Variants in CNTNAP2 observed in about 807,000 individuals in gnomAD.
CNTNAP2 encodes contactin-associated protein-like 2.
In CNTNAP2, 98 loss-of-function variants were observed where a neutral mutation model predicts 155.2. The ratio of observed to expected loss-of-function variants is 0.63; its 90% CI spans 0.54 to 0.75. The LOEUF (loss-of-function observed/expected upper bound fraction) is 0.75, where lower values mean the gene tolerates loss of function less well. Ranked by LOEUF, CNTNAP2 falls within the 30% of genes least tolerant of loss-of-function variation. The pLI, the probability that CNTNAP2 is intolerant of heterozygous loss-of-function variation, is 0.00. For synonymous variants in CNTNAP2, 651 were observed against 631.2 expected (o/e 1.03, Z -0.47); for missense variants, 1,727 against 1,688.1 (o/e 1.02, Z -0.40).
intron 8 of CNTNAP2, among the ~76,000 whole-genome samples, chr7:147,164,041 G>A (rs1802076468): frequency 1.3e-5 from 2 of 152,282 alleles, no homozygotes; most frequent in Middle Eastern, 6.8e-3. Flanking sequence ...TTACGTGACA[G>A]GTGTTTATGC....
chr7:147,198,987 A>T (rs1417871097), intron 8 of CNTNAP2, among the ~76,000 whole-genome samples: 1 of 141,352 alleles, frequency 7.1e-6, no homozygotes, highest in Non-Finnish European at 1.5e-5. Flanking sequence ...TTTGAGACAG[A>T]ATGATGCTCT....
intron 10 of CNTNAP2, among the ~76,000 whole-genome samples, chr7:147,415,089 C>T (rs1218591557): frequency 1.3e-5 from 2 of 152,058 alleles, no homozygotes; most frequent in Admixed American, 6.6e-5. Context: ...CTCCCCTCAG[C>T]CATACAGAAT....
chr7:148,074,252 T>C (rs1337469306), intron 15 of CNTNAP2, among the ~76,000 whole-genome samples: 1 of 152,190 alleles, frequency 6.6e-6, no homozygotes, highest in Non-Finnish European at 1.5e-5. Flanking sequence ...CCATTTTTCC[T>C]CTTTCCACCT....
chr7:146,900,061 T>G (rs764145999), intron 3 of CNTNAP2, among the ~76,000 whole-genome samples: 6 of 152,244 alleles, frequency 3.9e-5, no homozygotes, highest in Non-Finnish European at 7.3e-5. Context: ...TTCACCATTA[T>G]GTAATTCAAG....
chr7:147,778,925 A>G (rs1797626723), intron 13 of CNTNAP2, among the ~76,000 whole-genome samples: 2 of 152,216 alleles, frequency 1.3e-5, no homozygotes, highest in African/African-American at 4.8e-5. Flanking sequence ...ATAGTACTCT[A>G]TGTGTGGAAG....
intron 17 of CNTNAP2, among the ~76,000 whole-genome samples, chr7:148,161,172 G>A (rs1297812800): frequency 6.6e-6 from 1 of 152,178 alleles, no homozygotes; most frequent in African/African-American, 2.4e-5. Context: ...ATATCAGGAA[G>A]GTGGGATTCT....
chr7:147,965,099 T>C (rs1302829216), intron 14 of CNTNAP2, among the ~76,000 whole-genome samples: 1 of 152,192 alleles, frequency 6.6e-6, no homozygotes, highest in Non-Finnish European at 1.5e-5. Context: ...CAGGTGCTCC[T>C]TGTTCACTGC....
At chr7:147,990,083 G>A (rs770898665) in intron 15 of CNTNAP2, among the ~76,000 whole-genome samples, 1 of 152,072 alleles carries the variant, frequency 6.6e-6, no homozygotes, top group African/African-American at 2.4e-5. Flanking sequence ...ATTCTTTCAG[G>A]GTCAATAATT....
At chr7:147,235,698 A>T (rs1803786076) in intron 8 of CNTNAP2, among the ~76,000 whole-genome samples, 1 of 152,178 alleles carries the variant, frequency 6.6e-6, no homozygotes, top group Admixed American at 6.5e-5. Context: ...CCCTTCCAGC[A>T]GGTGTCTGTG....
At chr7:147,534,552 C>A (rs1332529720) in intron 11 of CNTNAP2, among the ~76,000 whole-genome samples, 1 of 152,130 alleles carries the variant, frequency 6.6e-6, no homozygotes, top group Non-Finnish European at 1.5e-5. Context: ...AAGTGACTGA[C>A]ACCTTGGACG....
intron 10 of CNTNAP2, among the ~76,000 whole-genome samples, chr7:147,459,502 G>C (rs1405521456): frequency 1.3e-5 from 2 of 152,152 alleles, no homozygotes; most frequent in Non-Finnish European, 2.9e-5. Flanking sequence ...GATTATCTTG[G>C]AAATGTGGGT....
chr7:146,334,122 T>C (rs1394358361), intron 1 of CNTNAP2, among the ~76,000 whole-genome samples: 1 of 152,072 alleles, frequency 6.6e-6, no homozygotes, highest in Admixed American at 6.5e-5. Flanking sequence ...AGGTTGGAAG[T>C]CCTATAGCAG....
At chr7:146,803,823 G>A (rs966851812) in intron 2 of CNTNAP2, among the ~76,000 whole-genome samples, 5 of 152,116 alleles carry the variant, frequency 3.3e-5, no homozygotes, top group Admixed American at 6.5e-5. Flanking sequence ...TTTTATGTGC[G>A]CTGCATATTT....
chr7:148,383,353 A>C (rs150867287), intron 21 of CNTNAP2, among the ~76,000 whole-genome samples: 56 of 152,338 alleles, frequency 3.7e-4, no homozygotes, highest in African/African-American at 1.3e-3. Context: ...ATCAGAACCA[A>C]GTCACTGTTG....
At chr7:148,229,604 T>A (rs1795922483) in intron 19 of CNTNAP2, 42 bp from the exon 20 acceptor site, 2 of 1,612,522 alleles carry the variant, frequency 1.2e-6, no homozygotes, top group East Asian at 2.2e-5. Context: ...AAAATGAAAT[T>A]TAGGGCAAAC....
At chr7:146,433,309 G>A (rs765913519) in intron 1 of CNTNAP2, among the ~76,000 whole-genome samples, 1 of 152,014 alleles carries the variant, frequency 6.6e-6, no homozygotes, top group Non-Finnish European at 1.5e-5. Flanking sequence ...ATTTGTTTGG[G>A]GTCAGGTCCA....
intron 1 of CNTNAP2, among the ~76,000 whole-genome samples, chr7:146,324,828 G>C (rs1362699053): frequency 6.6e-6 from 1 of 151,694 alleles, no homozygotes; most frequent in African/African-American, 2.4e-5. Context: ...AAACCAAAAC[G>C]AAAACGAACT....
At chr7:146,323,139 G>C (rs1801035384) in intron 1 of CNTNAP2, among the ~76,000 whole-genome samples, 1 of 152,100 alleles carries the variant, frequency 6.6e-6, no homozygotes, top group Admixed American at 6.6e-5. Context: ...ATGGGAACTG[G>C]AAGGGATAAA....
intron 21 of CNTNAP2, among the ~76,000 whole-genome samples, chr7:148,371,601 A>C (rs1235125796): frequency 1.3e-5 from 2 of 152,238 alleles, no homozygotes; most frequent in Admixed American, 6.5e-5. Flanking sequence ...CTATTTATCA[A>C]ATTCCACCAC....
Sources: allele counts gnomAD v4.1 joint callset (sites outside exome capture counted in the v4.1 genomes callset), GRCh38; gene constraint gnomAD v4.1.1; transcripts MANE v1.5; gene names NCBI Gene and HGNC (gene_info 2026-07-23, HGNC 2026-07-21).